The following STIL variants were observed in gnomAD, a reference collection of about 807,000 sequenced individuals.
The protein encoded by STIL is SCL-interrupting locus protein.
A neutral mutation model predicts 110.1 loss-of-function variants in STIL; 55 were observed. The ratio of observed to expected loss-of-function variants is 0.50; its 90% confidence interval spans 0.40 to 0.63. The LOEUF (loss-of-function observed/expected upper bound fraction) is 0.63, where lower values mean the gene tolerates loss of function less well. Ranked by LOEUF, STIL falls within the 20% of genes least tolerant of loss-of-function variation. The pLI, the probability that STIL is intolerant of heterozygous loss-of-function variation, is 0.00. For missense variants in STIL, 1,358 were observed against 1,530.0 expected, an observed-to-expected ratio of 0.89 and a Z score of 1.87; for synonymous variants, 481 against 530.0, an observed-to-expected ratio of 0.91 and a Z score of 1.27.
chr1:47,305,494 T>G (rs1284738254), intron 2 of STIL, among the ~76,000 whole-genome samples: 1 of 152,114 alleles, frequency 6.6e-6, no homozygotes, highest in Admixed American at 6.6e-5. Flanking sequence ...TGTGGTGCAA[T>G]CTCAGCTTAC....
intron 8 of STIL, among the ~76,000 whole-genome samples, chr1:47,292,262 T>C (rs1309940929): frequency 6.6e-6 from 1 of 152,138 alleles, no homozygotes; most frequent in East Asian, 1.9e-4. Flanking sequence ...AATATTTCTT[T>C]CACAGTGTTA....
intron 8 of STIL, 35 bp from the exon 9 acceptor site, chr1:47,289,620 G>A: frequency 6.4e-7 from 1 of 1,569,476 alleles, no homozygotes; most frequent in South Asian, 1.1e-5. Context: ...AAAATTTAAT[G>A]AGGATAACAT....
At chr1:47,275,607 CAATAAATA>C (rs1287236433) in intron 12 of STIL, among the ~76,000 whole-genome samples, 1 of 151,382 alleles carries the variant, frequency 6.6e-6, no homozygotes, top group Non-Finnish European at 1.5e-5. Flanking sequence ...GACTCCATCT[CAATAAATA>C]AATAAATAAA....
intron 14 of STIL, among the ~76,000 whole-genome samples, chr1:47,264,539 C>T (rs1217394857): frequency 6.6e-6 from 1 of 152,174 alleles, no homozygotes; most frequent in Non-Finnish European, 1.5e-5. Flanking sequence ...CATACCACTA[C>T]TCACTGCTGG....
chr1:47,251,970 TAC>T, intron 16 of STIL, 48 bp from the exon 17 acceptor site: 2 of 1,564,192 alleles, frequency 1.3e-6, no homozygotes, highest in Non-Finnish European at 1.7e-6. Flanking sequence ...TTCTAAGTAA[TAC>T]ATAGTTCTCA....
In STIL at chr1:47,260,538, C is replaced by A. The variant is rs776777269; in HGVS notation, c.2831G>T (p.Gly944Val). The change falls in exon 16 of 17, where the codon GGT becomes GTT. Residue 944 changes from glycine (G) to valine (V), a missense_variant and splice_region_variant. Physicochemically the swap from Gly to Val is moderately radical, Grantham distance 109 (BLOSUM62 -3). Transcript: ENST00000371877. ...DNQKIYQDLL[G>V]QVNHLLNSSS... is the part of the protein sequence containing the mutation. The stretch of plus-strand genomic sequence containing the variant: ...ACTATTTAATAGGTGGTTTACTTGA[C>A]CCTGACAAAAAGAAAAAAAATTTTT... The A allele has an allele frequency of 1.2e-5, 20 of 1,613,982 alleles. No homozygotes were observed. Among genetic ancestry groups the A allele is most frequent in the Non-Finnish European group, 1.5e-5 (18 of 1,179,982 alleles).
intron 14 of STIL, among the ~76,000 whole-genome samples, chr1:47,263,398 A>T (rs1203945453): frequency 6.6e-6 from 1 of 152,196 alleles, no homozygotes; most frequent in Non-Finnish European, 1.5e-5. Flanking sequence ...TGTTTTAATT[A>T]GCTGGGTGTG....
chr1:47,311,283 CTTTTTT>C (rs536667689), intron 1 of STIL, among the ~76,000 whole-genome samples: 1 of 132,232 alleles, frequency 7.6e-6, no homozygotes, highest in African/African-American at 2.8e-5. Context: ...TTCTTTTTTT[CTTTTTT>C]TTTTTTTTTT....
chr1:47,262,468 T>A (rs1021642537), intron 15 of STIL, among the ~76,000 whole-genome samples: 2 of 152,200 alleles, frequency 1.3e-5, no homozygotes, highest in Non-Finnish European at 2.9e-5. Flanking sequence ...GCACAGAGTG[T>A]CATATTCACC....
chr1:47,280,660 T>C lies in STIL; in HGVS notation c.1798A>G (p.Thr600Ala). 2 of 1,614,162 alleles carry C rather than the reference T, an allele frequency of 1.2e-6. No individual in the cohort carries two copies. Among genetic ancestry groups the C allele is most frequent in the Non-Finnish European group, 1.7e-6 (2 of 1,180,030 alleles). ...PTPPLPSYCS[T>A]NVCRCCQHHS... ...TGCTGACAACACCTGCAAACGTTTGTGGAACAGTAAGATGGCAGTGGGGGA... is the reference window on the plus strand; with the variant it reads ...TGCTGACAACACCTGCAAACGTTTGCGGAACAGTAAGATGGCAGTGGGGGA... The change falls in exon 12 of 17, where the codon ACA becomes GCA. Residue 600 changes from threonine to alanine, a missense_variant. By Grantham distance (58) the Thr-to-Ala change is moderately conservative. Transcript: ENST00000371877.
At position 47,299,765 on chromosome 1, in the gene STIL, A is replaced by AT. The variant is rs1388302112; in HGVS notation, c.701+139dup. On this transcript the variant is annotated intron_variant, in intron 6 of 16. Coordinates refer to ENST00000371877, the MANE Select transcript of STIL (RefSeq NM_001048166.1). Reference sequence around the variant, plus strand: ...ATATTCAACGAAAATAAACCATTTCATTTTTTACTTTCCCTGGTTATTAAC... The same window carrying AT: ...ATATTCAACGAAAATAAACCATTTCATTTTTTTACTTTCCCTGGTTATTAAC... The AT allele has an allele frequency of 7.4e-6, 7 of 946,078 alleles. No homozygotes were observed. The East Asian group carries it at 1.9e-4, about 25-fold the overall frequency. The allele number at this position is 946,078 out of a possible 1,614,324, so 58.6% of individuals were successfully genotyped here.
At chr1:47,308,056 C>G (rs1427796967) in intron 2 of STIL, among the ~76,000 whole-genome samples, 2 of 152,212 alleles carry the variant, frequency 1.3e-5, no homozygotes, top group Non-Finnish European at 2.9e-5. Context: ...ACCTCATTAG[C>G]AATTTTAATT....
At chr1:47,263,475 C>T (rs1057438140) in intron 14 of STIL, among the ~76,000 whole-genome samples, 1 of 152,186 alleles carries the variant, frequency 6.6e-6, no homozygotes, top group Non-Finnish European at 1.5e-5. Context: ...CCCAGGAATT[C>T]GAGGCTGCAG....
chr1:47,260,862 CT>C (rs1196606582), intron 15 of STIL, among the ~76,000 whole-genome samples: 1 of 151,752 alleles, frequency 6.6e-6, no homozygotes, highest in Non-Finnish European at 1.5e-5. Context: ...GACTCTGTCT[CT>C]AAAAAAATTA....
At chr1:47,306,353 A>C (rs895682352) in intron 2 of STIL, among the ~76,000 whole-genome samples, 2 of 151,428 alleles carry the variant, frequency 1.3e-5, no homozygotes, top group Admixed American at 6.6e-5. Flanking sequence ...TGCAGCCTTA[A>C]ACTCCTGGGC....
Position 47,272,152 on chromosome 1 carries a change from C to T in STIL, c.2307G>A (p.Met769Ile). Residue 769 changes from methionine to isoleucine, a missense_variant, in exon 13 of 17, where the codon ATG becomes ATA. Physicochemically the swap from Met to Ile is conservative, Grantham distance 10. Coordinates refer to ENST00000371877, the MANE Select transcript of STIL (RefSeq NM_001048166.1). Reference protein sequence around the residue: ...VEDTVQAGRQMELVSVEAQSS... With the variant: ...VEDTVQAGRQIELVSVEAQSS... Reference sequence around the variant, plus strand: ...ACTGTGCTTCCACAGAAACCAACTCCATTTGTCTTCCAGCTTGCACTGTGT... The same window carrying T: ...ACTGTGCTTCCACAGAAACCAACTCTATTTGTCTTCCAGCTTGCACTGTGT... 1 of 1,614,204 alleles carries T rather than the reference C, an allele frequency of 6.2e-7. No homozygotes were observed. The highest frequency in any genetic ancestry group is 2.2e-5 in the East Asian group (1 of 44,880).
intron 9 of STIL, among the ~76,000 whole-genome samples, chr1:47,288,892 C>CAAAAAA (rs138649605): frequency 1.1e-5 from 1 of 94,790 alleles, no homozygotes; most frequent in Non-Finnish European, 2.1e-5. Flanking sequence ...AATGAAAATA[C>CAAAAAA]AAAAAAAAAA....
At chr1:47,252,015 CT>C in intron 16 of STIL, 93 bp from the exon 17 acceptor site, 1 of 1,331,372 alleles carries the variant, frequency 7.5e-7, no homozygotes, top group Admixed American at 2.5e-5. Flanking sequence ...AACAAAAGAT[CT>C]TCAGCTTTAA....
intron 12 of STIL, 82 bp from the exon 13 acceptor site, chr1:47,272,323 C>A: frequency 4.1e-6 from 6 of 1,450,094 alleles, no homozygotes; most frequent in Non-Finnish European, 5.8e-6. Flanking sequence ...AATTACAAAG[C>A]GCCCTAATTA....
Sources: allele counts gnomAD v4.1 joint callset (sites outside exome capture counted in the v4.1 genomes callset), GRCh38; gene constraint gnomAD v4.1.1; transcripts MANE v1.5; gene names NCBI Gene and HGNC (gene_info 2026-07-23, HGNC 2026-07-21).